Variants in COL24A1 observed in about 807,000 individuals in gnomAD.
COL24A1 encodes the protein collagen type XXIV alpha 1 chain.
A neutral mutation model predicts 253.9 loss-of-function variants in COL24A1; 224 were observed. The observed-to-expected ratio is 0.88, with a 90% CI of 0.79 to 0.99. The LOEUF is 0.99. Ranked by LOEUF, COL24A1 falls within the 50% of genes least tolerant of loss-of-function variation. The pLI is 0.00. For synonymous variants in COL24A1, 685 were observed against 673.7 expected (o/e 1.02, Z -0.26); for missense variants, 2,131 against 2,068.5 (o/e 1.03, Z -0.59).
At chr1:86,057,142 G>A (rs1288017720) in intron 10 of COL24A1, among the ~76,000 whole-genome samples, 3 of 152,066 alleles carry the variant, frequency 2.0e-5, no homozygotes, top group Non-Finnish European at 4.4e-5. Flanking sequence ...TCTCCTTGGT[G>A]ACAAGTGAGT....
At position 86,125,112 on chromosome 1, in the gene COL24A1, G is replaced by C; in HGVS notation, c.1224C>G (p.Leu408=). The C allele has an allele frequency of 6.2e-7, 1 of 1,612,080 alleles. No homozygotes were observed. The highest frequency in any genetic ancestry group is 8.5e-7 in the Non-Finnish European group (1 of 1,179,320). The change falls in exon 3 of 60, where the codon CTC becomes CTG. Residue 408 remains leucine, a synonymous_variant. Coordinates refer to ENST00000370571, the MANE Select transcript of COL24A1 (RefSeq NM_152890.7). The part of the protein sequence containing the change: ...PQIKQDTITN[L]KKAITANLHT... ...GTAGATTTGCTGTGATAGCCTTCTT[G>C]AGATTAGTAATTGTATCTTGTTTAA...
At chr1:85,898,379 A>G (rs1219922958) in intron 28 of COL24A1, among the ~76,000 whole-genome samples, 1 of 152,160 alleles carries the variant, frequency 6.6e-6, no homozygotes. Flanking sequence ...TGATCCTCTG[A>G]GGCACATTCA....
At chr1:86,031,502 C>T (rs530676392) in intron 14 of COL24A1, among the ~76,000 whole-genome samples, 1 of 151,974 alleles carries the variant, frequency 6.6e-6, no homozygotes, top group South Asian at 2.1e-4. Context: ...ACATGTACCC[C>T]CTTAATATGT....
At chr1:85,816,516 C>T (rs990838020) in intron 47 of COL24A1, among the ~76,000 whole-genome samples, 1 of 152,134 alleles carries the variant, frequency 6.6e-6, no homozygotes, top group Non-Finnish European at 1.5e-5. Flanking sequence ...TAAGCTTTTG[C>T]TTCTTTATAG....
intron 24 of COL24A1, among the ~76,000 whole-genome samples, chr1:85,922,487 A>G (rs1346757170): frequency 1.3e-5 from 2 of 152,242 alleles, no homozygotes; most frequent in African/African-American, 4.8e-5. Flanking sequence ...AAACTCTATA[A>G]GCCAGAAGAG....
intron 24 of COL24A1, among the ~76,000 whole-genome samples, chr1:85,926,819 T>C (rs1307056391): frequency 4.0e-5 from 6 of 151,242 alleles, no homozygotes; most frequent in Admixed American, 3.3e-4. Flanking sequence ...AGTATAATAA[T>C]AATAATTATA....
At chr1:85,801,318 G>A (rs947808296) in intron 47 of COL24A1, among the ~76,000 whole-genome samples, 1 of 152,158 alleles carries the variant, frequency 6.6e-6, no homozygotes, top group Non-Finnish European at 1.5e-5. Context: ...GACTTTCAAT[G>A]CACTGCATCG....
intron 57 of COL24A1, among the ~76,000 whole-genome samples, chr1:85,742,737 T>C (rs1340146012): frequency 6.6e-6 from 1 of 152,192 alleles, no homozygotes; most frequent in Non-Finnish European, 1.5e-5. Context: ...TTTACCATTC[T>C]AGTTCTCTCA....
intron 24 of COL24A1, among the ~76,000 whole-genome samples, chr1:85,953,571 G>A (rs2100602150): frequency 6.6e-6 from 1 of 152,282 alleles, no homozygotes; most frequent in African/African-American, 2.4e-5. Context: ...TTCAGTAAGT[G>A]TCTTCTGAAT....
chr1:86,093,592 T>C (rs1175353887), intron 5 of COL24A1, among the ~76,000 whole-genome samples: 1 of 152,032 alleles, frequency 6.6e-6, no homozygotes, highest in African/African-American at 2.4e-5. Context: ...AAAGATTTCA[T>C]GATGAAGACA....
intron 3 of COL24A1, among the ~76,000 whole-genome samples, chr1:86,123,491 A>G (rs1048446491): frequency 6.6e-6 from 1 of 152,004 alleles, no homozygotes; most frequent in African/African-American, 2.4e-5. Context: ...CTGAGCAATT[A>G]CTGAGTTATA....
chr1:85,971,241 ATGG>A, intron 21 of COL24A1, 96 bp downstream of exon 21: 1 of 851,040 alleles, frequency 1.2e-6, no homozygotes. Flanking sequence ...TGGAAATCTG[ATGG>A]TGTTTAAGCA....
intron 2 of COL24A1, among the ~76,000 whole-genome samples, chr1:86,135,481 T>C (rs979940664): frequency 2.0e-5 from 3 of 152,142 alleles, no homozygotes; most frequent in African/African-American, 7.2e-5. Flanking sequence ...TGTTGTCTTC[T>C]ATATGTCTCA....
intron 24 of COL24A1, among the ~76,000 whole-genome samples, chr1:85,922,664 A>C (rs1686656687): frequency 6.6e-6 from 1 of 152,222 alleles, no homozygotes; most frequent in Admixed American, 6.5e-5. Context: ...GAACTGAAGG[A>C]AGCACTAAAC....
At chr1:86,050,011 C>A (rs1049777607) in intron 11 of COL24A1, 113 bp downstream of exon 11, 5 of 818,988 alleles carry the variant, frequency 6.1e-6, no homozygotes, top group Non-Finnish European at 9.2e-6. Context: ...TTTCTTCAAC[C>A]TGGCTTGCTA....
intron 2 of COL24A1, among the ~76,000 whole-genome samples, chr1:86,136,879 CTGAG>C (rs1650338726): frequency 6.6e-6 from 1 of 152,028 alleles, no homozygotes; most frequent in Admixed American, 6.6e-5. Context: ...GCTTTCTTAC[CTGAG>C]TATGAATACA....
chr1:85,988,319 C>G (rs1215203466), intron 19 of COL24A1, among the ~76,000 whole-genome samples: 1 of 151,890 alleles, frequency 6.6e-6, no homozygotes, highest in Non-Finnish European at 1.5e-5. Flanking sequence ...GCATGAGAAT[C>G]ATGATTTTAC....
At chr1:85,761,348 A>G (rs1666827543) in intron 55 of COL24A1, 48 bp downstream of exon 55, 1 of 1,601,886 alleles carries the variant, frequency 6.2e-7, no homozygotes, top group Non-Finnish European at 8.5e-7. Flanking sequence ...AAAAGTTAAT[A>G]TGACATACTA....
At chr1:85,905,004 C>T (rs1684671734) in intron 28 of COL24A1, among the ~76,000 whole-genome samples, 1 of 152,098 alleles carries the variant, frequency 6.6e-6, no homozygotes, top group South Asian at 2.1e-4. Context: ...TCCTACCCTT[C>T]ATGATGGTCA....
Sources: gnomAD v4.1 joint callset for allele counts (sites outside exome capture counted in the v4.1 genomes callset) on GRCh38, gnomAD v4.1.1 for gene constraint, MANE v1.5 for transcripts, NCBI Gene and HGNC (gene_info 2026-07-23, HGNC 2026-07-21) for gene names.